The following SV2C variants were observed in gnomAD, a reference collection of about 807,000 sequenced individuals.
The protein encoded by SV2C is solute carrier family 22 member B3.
In SV2C, 49 loss-of-function variants were observed where a neutral mutation model predicts 79.7. That is an observed-to-expected ratio of 0.61 (90% CI 0.49 to 0.78). The LOEUF (loss-of-function observed/expected upper bound fraction) is 0.78. Ranked by LOEUF, SV2C falls within the 30% of genes least tolerant of loss-of-function variation. SV2C has a pLI of 0.00. For missense variants in SV2C, 833 were observed against 912.9 expected, an observed-to-expected ratio of 0.91 and a Z score of 1.13; for synonymous variants, 334 against 333.2, an observed-to-expected ratio of 1.00 and a Z score of -0.03.
At chr5:76,016,801 T>C in the SV2C span, among the ~76,000 whole-genome samples, 1 of 152,338 alleles carries the variant, frequency 6.6e-6, no homozygotes, top group African/African-American at 2.4e-5. Flanking sequence ...CATGAAACAT[T>C]GTCCTTTCAT....
intron 4 of SV2C, among the ~76,000 whole-genome samples, chr5:76,254,995 T>C (rs1746224667): frequency 6.6e-6 from 1 of 152,192 alleles, no homozygotes; most frequent in Non-Finnish European, 1.5e-5. Context: ...CAAATGGATT[T>C]TACTTTGTCT....
At chr5:75,876,788 G>C in the SV2C span, among the ~76,000 whole-genome samples, 1 of 151,910 alleles carries the variant, frequency 6.6e-6, no homozygotes, top group African/African-American at 2.4e-5. Flanking sequence ...GCAAATCCTA[G>C]AGCAACCACC....
chr5:76,192,159 G>A (rs1744124145), intron 2 of SV2C, among the ~76,000 whole-genome samples: 1 of 152,192 alleles, frequency 6.6e-6, no homozygotes, highest in African/African-American at 2.4e-5. Flanking sequence ...AATGTTGTCT[G>A]TGTTATTGGA....
chr5:76,335,414 C>CTTTTTTTTTTTTT (rs869230352), downstream of SV2C, among the ~76,000 whole-genome samples: 23 of 98,122 alleles, frequency 2.3e-4, no homozygotes, highest in African/African-American at 7.1e-4. Flanking sequence ...ACACATTTTC[C>CTTTTTTTTTTTTT]TTTTTTTTTT....
chr5:75,925,247 G>T, the SV2C span, among the ~76,000 whole-genome samples: 2 of 152,146 alleles, frequency 1.3e-5, no homozygotes, highest in Non-Finnish European at 2.9e-5. Flanking sequence ...GTGCCATCAG[G>T]CTCAGCACAG....
chr5:76,227,147 GAA>G (rs1350696274), intron 4 of SV2C, among the ~76,000 whole-genome samples: 2 of 142,470 alleles, frequency 1.4e-5, no homozygotes, highest in East Asian at 4.2e-4. Context: ...AAGATTTTCA[GAA>G]ACATTATCTC....
At chr5:75,869,194 C>G in the SV2C span, among the ~76,000 whole-genome samples, 5 of 152,122 alleles carry the variant, frequency 3.3e-5, no homozygotes, top group East Asian at 7.8e-4. Context: ...CAGGGGGATA[C>G]AGCACCAAGT....
chr5:75,976,888 C>T, the SV2C span, among the ~76,000 whole-genome samples: 1 of 152,168 alleles, frequency 6.6e-6, no homozygotes, highest in Non-Finnish European at 1.5e-5. Flanking sequence ...CATAGCGGTA[C>T]ATCCCCCTCA....
chr5:76,061,453 A>G, the SV2C span, among the ~76,000 whole-genome samples: 3 of 152,212 alleles, frequency 2.0e-5, no homozygotes, highest in Admixed American at 6.5e-5. Context: ...TCAAATAACT[A>G]AAATCATTTC....
the SV2C span, among the ~76,000 whole-genome samples, chr5:76,045,214 G>C: frequency 6.6e-6 from 1 of 152,180 alleles, no homozygotes; most frequent in Admixed American, 6.5e-5. Context: ...TCGAAGATCA[G>C]ATGGTTTTAG....
At chr5:75,864,764 A>G in the SV2C span, among the ~76,000 whole-genome samples, 1 of 152,266 alleles carries the variant, frequency 6.6e-6, no homozygotes, top group East Asian at 1.9e-4. Flanking sequence ...TGCATTCTGC[A>G]TCACTACTAC....
At chr5:76,171,618 G>A (rs1230413389) in intron 2 of SV2C, among the ~76,000 whole-genome samples, 2 of 144,076 alleles carry the variant, frequency 1.4e-5, no homozygotes, top group South Asian at 2.2e-4. Context: ...TGGGGGGGGG[G>A]TCAGCCCCCC....
the SV2C span, among the ~76,000 whole-genome samples, chr5:75,979,766 C>T: frequency 1.3e-5 from 2 of 151,926 alleles, no homozygotes; most frequent in African/African-American, 4.8e-5. Context: ...ATGTCCACAT[C>T]AAAAAGTTAG....
intron 4 of SV2C, chr5:76,281,339 A>G (rs1322528938): frequency 2.7e-6 from 1 of 364,604 alleles, no homozygotes; most frequent in Admixed American, 3.8e-5. Context: ...ATCTGATTTA[A>G]AATTTACTTT....
At chr5:76,178,847 T>G (rs1743623713) in intron 2 of SV2C, among the ~76,000 whole-genome samples, 1 of 152,210 alleles carries the variant, frequency 6.6e-6, no homozygotes, top group African/African-American at 2.4e-5. Context: ...CACTCAAGAT[T>G]TTATGGTCAT....
the SV2C span, among the ~76,000 whole-genome samples, chr5:76,030,447 A>G: frequency 5.0e-4 from 76 of 152,168 alleles, no homozygotes; most frequent in African/African-American, 1.7e-3. Flanking sequence ...TAAAAGTAAC[A>G]GATCAAGGAT....
At chr5:76,275,528 T>C (rs2972838) in intron 4 of SV2C, among the ~76,000 whole-genome samples, 21,640 of 150,050 alleles carry the variant, frequency 0.14, 2,093 homozygotes, top group African/African-American at 0.27. Context: ...AAAACAAATA[T>C]AGATCAGCAA....
chr5:76,166,614 C>G (rs1198153046), intron 2 of SV2C, among the ~76,000 whole-genome samples: 1 of 93,728 alleles, frequency 1.1e-5, no homozygotes, highest in Non-Finnish European at 2.4e-5. Context: ...TAGGGTCAAA[C>G]CAGTAGATAG....
intron 2 of SV2C, among the ~76,000 whole-genome samples, chr5:76,152,670 C>T (rs960877604): frequency 5.3e-5 from 8 of 152,120 alleles, no homozygotes; most frequent in African/African-American, 1.9e-4. Context: ...ACCAGCTGAT[C>T]ACTCCTTCCT....
Sources: gnomAD v4.1 joint callset for allele counts (sites outside exome capture counted in the v4.1 genomes callset) on GRCh38, gnomAD v4.1.1 for gene constraint, MANE v1.5 for transcripts, NCBI Gene and HGNC (gene_info 2026-07-23, HGNC 2026-07-21) for gene names.